The following NCAM1 variants were observed in gnomAD, a reference collection of about 807,000 sequenced individuals.
NCAM1 encodes antigen recognized by monoclonal antibody 5.1H11.
Under a neutral mutation model 109.8 loss-of-function variants are expected in NCAM1, and 14 were observed. That is an observed-to-expected ratio of 0.13 (90% CI 0.08 to 0.20). The LOEUF is 0.20. Among genes scored for constraint, NCAM1 ranks in the 10% least tolerant of loss-of-function variants. The pLI, the probability that NCAM1 is intolerant of heterozygous loss-of-function variation, is 1.00. For synonymous variants in NCAM1, 418 were observed against 442.9 expected (o/e 0.94, Z 0.70); for missense variants, 774 against 1,109.9 (o/e 0.70, Z 4.30).
At chr11:113,060,902 C>T (rs1836799) in intron 1 of NCAM1, among the ~76,000 whole-genome samples, 45,473 of 151,904 alleles carry the variant, frequency 0.3, 7,611 homozygotes, top group East Asian at 0.62. Context: ...TGGAAGAATA[C>T]ATAAAGAATG....
chr11:113,172,458 C>T (rs1204652066), intron 1 of NCAM1, among the ~76,000 whole-genome samples: 5 of 152,176 alleles, frequency 3.3e-5, no homozygotes, highest in East Asian at 1.9e-4. Flanking sequence ...CAGTGGATTC[C>T]GTAAGTACTC....
chr11:113,031,553 G>A (rs1165309801), intron 1 of NCAM1, among the ~76,000 whole-genome samples: 6 of 152,076 alleles, frequency 3.9e-5, no homozygotes, highest in South Asian at 4.1e-4. Context: ...TTAGCCGGGC[G>A]TGGTGGCAGG....
intron 1 of NCAM1, among the ~76,000 whole-genome samples, chr11:113,163,192 A>G (rs1555104712): frequency 6.6e-6 from 1 of 152,198 alleles, no homozygotes; most frequent in Non-Finnish European, 1.5e-5. Flanking sequence ...AGAAAGGCAG[A>G]GAAGACCTTT....
At chr11:113,249,671 C>T (rs573962412) in intron 15 of NCAM1, among the ~76,000 whole-genome samples, 169 of 152,266 alleles carry the variant, frequency 1.1e-3, no homozygotes, top group African/African-American at 3.7e-3. Context: ...TGGATCAGCC[C>T]CATAACCACA....
chr11:112,971,226 TTC>T (rs137914370), intron 1 of NCAM1, among the ~76,000 whole-genome samples: 130 of 148,128 alleles, frequency 8.8e-4, no homozygotes, highest in Non-Finnish European at 1.0e-3. Flanking sequence ...GTACTTCAAT[TTC>T]TCTCTCTCTC....
At chr11:113,234,956 C>T (rs1476077468) in intron 13 of NCAM1, 77 bp from the exon 14 acceptor site, 2 of 1,456,296 alleles carry the variant, frequency 1.4e-6, no homozygotes, top group Non-Finnish European at 1.8e-6. Context: ...TTTTTCAGGA[C>T]CCTCCCTACT....
intron 16 of NCAM1, among the ~76,000 whole-genome samples, chr11:113,256,660 C>G (rs1945842640): frequency 1.3e-5 from 2 of 152,338 alleles, no homozygotes; most frequent in East Asian, 1.9e-4. Flanking sequence ...CAAGTTGGCT[C>G]TAAGCCACCT....
At chr11:113,073,876 A>G (rs1340576349) in intron 1 of NCAM1, among the ~76,000 whole-genome samples, 1 of 152,168 alleles carries the variant, frequency 6.6e-6, no homozygotes, top group African/African-American at 2.4e-5. Context: ...TGAAGCACTC[A>G]CCTGTAATTC....
intron 1 of NCAM1, among the ~76,000 whole-genome samples, chr11:113,043,553 T>C (rs916817850): frequency 1.9e-4 from 29 of 152,152 alleles, no homozygotes; most frequent in African/African-American, 6.8e-4. Flanking sequence ...GCCAGGCTGG[T>C]CTCGAACTCC....
intron 1 of NCAM1, among the ~76,000 whole-genome samples, chr11:113,168,625 G>A (rs1942888272): frequency 6.6e-6 from 1 of 152,188 alleles, no homozygotes; most frequent in Non-Finnish European, 1.5e-5. Context: ...TGTTTGAGAT[G>A]TGTTATTAAC....
Position 113,233,130 on chromosome 11 carries a change from ATG to A in NCAM1, c.1523-13_1523-12del, listed in dbSNP as rs1945059896. The A allele has an allele frequency of 1.2e-6, 2 of 1,609,174 alleles. No individual in the cohort carries two copies. On this transcript the variant is annotated splice_polypyrimidine_tract_variant and intron_variant, in intron 12 of 19. Coordinates refer to ENST00000316851, the MANE Select transcript of NCAM1 (RefSeq NM_181351.5). The surrounding 1 kb of genome is among the most constrained non-coding windows in gnomAD (Gnocchi z 4.5). ...AAACTGGGCTCACCTGAGTCTCCAT[ATG>A]TGTCTTCCCCACAGACACCCCCTCT...
intron 1 of NCAM1, among the ~76,000 whole-genome samples, chr11:113,171,655 AT>A (rs1942995938): frequency 1.3e-5 from 2 of 151,576 alleles, no homozygotes; most frequent in South Asian, 4.2e-4. Flanking sequence ...AAATAAATAA[AT>A]AAATAAATAA....
At chr11:113,111,252 T>A (rs1049547433) in intron 1 of NCAM1, among the ~76,000 whole-genome samples, 4 of 152,214 alleles carry the variant, frequency 2.6e-5, no homozygotes, top group Non-Finnish European at 5.9e-5. Flanking sequence ...ACTTCCATAA[T>A]GGCCTGTCAC....
chr11:112,979,580 CTT>C (rs1184252549), intron 1 of NCAM1, among the ~76,000 whole-genome samples: 2 of 151,760 alleles, frequency 1.3e-5, no homozygotes, highest in African/African-American at 4.8e-5. Context: ...GCAGAGGAGA[CTT>C]CTTTATTGCA....
Position 113,271,742 on chromosome 11 carries a change from G to A in NCAM1, c.2340-18G>A. Reference sequence around the variant, plus strand: ...CTGCAGCTGCCCTAGGGTCTAACCAGCAGTACTGTCTCCACAGGAAAGATG... The same window carrying A: ...CTGCAGCTGCCCTAGGGTCTAACCAACAGTACTGTCTCCACAGGAAAGATG... On this transcript the variant is annotated intron_variant, in intron 18 of 19. Coordinates refer to ENST00000316851, the MANE Select transcript of NCAM1 (RefSeq NM_181351.5). The A allele has an allele frequency of 6.5e-7, 1 of 1,545,322 alleles. No homozygotes were observed. Among genetic ancestry groups the A allele is most frequent in the Non-Finnish European group, 8.8e-7 (1 of 1,141,606 alleles).
At chr11:113,199,705 G>T (rs1278458593) in intron 1 of NCAM1, among the ~76,000 whole-genome samples, 1 of 151,314 alleles carries the variant, frequency 6.6e-6, no homozygotes, top group East Asian at 1.9e-4. Context: ...AATGGGTGTA[G>T]CACACCAGCA....
Position 113,235,054 on chromosome 11 carries a change from C to G in NCAM1, c.1715C>G (p.Thr572Ser). The change falls in exon 14 of 20, where the codon ACC becomes AGC. Residue 572 changes from threonine to serine, a missense_variant. Transcript: ENST00000316851. ...AKEASMEGIV[T>S]IVGLKPETTY... is the part of the protein sequence containing the mutation. ...ACAGCCAGCATGGAGGGCATCGTCA[C>G]CATCGTGGGCCTGAAGCCCGAAACA... 1 of 1,565,446 alleles carries G rather than the reference C, an allele frequency of 6.4e-7. No homozygotes were observed. Among genetic ancestry groups the G allele is most frequent in the Non-Finnish European group, 8.7e-7 (1 of 1,154,736 alleles).
intron 1 of NCAM1, among the ~76,000 whole-genome samples, chr11:113,157,479 T>C (rs1230101301): frequency 6.6e-6 from 1 of 152,194 alleles, no homozygotes; most frequent in African/African-American, 2.4e-5. Context: ...ATACACATAC[T>C]AGTCAGACAG....
At chr11:113,245,603 A>G (rs142862359) in intron 14 of NCAM1, among the ~76,000 whole-genome samples, 6 of 152,320 alleles carry the variant, frequency 3.9e-5, no homozygotes, top group Admixed American at 6.5e-5. Context: ...CTCTTCCTTT[A>G]TATGGGTCTT....
Sources: allele counts gnomAD v4.1 joint callset (sites outside exome capture counted in the v4.1 genomes callset), GRCh38; gene constraint gnomAD v4.1.1; non-coding constraint Gnocchi (gnomAD v3.1); transcripts MANE v1.5; gene names NCBI Gene and HGNC (gene_info 2026-07-23, HGNC 2026-07-21).